ABTB2: variants seen among roughly 807,000 people sequenced by gnomAD.
The protein encoded by ABTB2 is ankyrin repeat and BTB domain containing 2.
In ABTB2, 56 loss-of-function variants were observed where a neutral mutation model predicts 104.1. The ratio of observed to expected loss-of-function variants is 0.54; its 90% CI spans 0.43 to 0.67. The LOEUF (loss-of-function observed/expected upper bound fraction) is 0.67. Ranked by LOEUF, ABTB2 falls within the 30% of genes least tolerant of loss-of-function variation. ABTB2 has a pLI of 0.00. For missense variants in ABTB2, 1,279 were observed against 1,407.7 expected, an observed-to-expected ratio of 0.91 and a Z score of 1.46; for synonymous variants, 606 against 608.2, an observed-to-expected ratio of 1.00 and a Z score of 0.05.
intron 10 of ABTB2, among the ~76,000 whole-genome samples, chr11:34,162,313 G>A (rs1205237126): frequency 6.6e-6 from 1 of 152,236 alleles, no homozygotes; most frequent in East Asian, 1.9e-4. Flanking sequence ...CAGCCAGGCA[G>A]GGTGGAGGGC....
intron 1 of ABTB2, among the ~76,000 whole-genome samples, chr11:34,233,334 T>C (rs1203660926): frequency 1.0e-3 from 1 of 994 alleles, no homozygotes; most frequent in East Asian, 8.5e-3. Context: ...TCACTGCAGC[T>C]TTTTTTTTTT....
intron 3 of ABTB2, among the ~76,000 whole-genome samples, chr11:34,173,758 C>T (rs1334643300): frequency 6.6e-6 from 1 of 152,126 alleles, no homozygotes; most frequent in African/African-American, 2.4e-5. Context: ...GGAGAGGCTG[C>T]ACAGCTAAGA....
chr11:34,256,413 T>C (rs1411023953), intron 1 of ABTB2, among the ~76,000 whole-genome samples: 1 of 152,226 alleles, frequency 6.6e-6, no homozygotes, highest in African/African-American at 2.4e-5. Context: ...CTTGGGTTTC[T>C]AGCAGAGAAA....
chr11:34,287,819 T>A (rs898679552), intron 1 of ABTB2, among the ~76,000 whole-genome samples: 45 of 152,262 alleles, frequency 3.0e-4, no homozygotes, highest in African/African-American at 1.0e-3. Flanking sequence ...TCCGTGGTAT[T>A]TTTTTTCTTT....
chr11:34,172,440 A>T (rs1325553612), intron 4 of ABTB2, among the ~76,000 whole-genome samples: 1 of 92,132 alleles, frequency 1.1e-5, no homozygotes, highest in Non-Finnish European at 2.2e-5. Context: ...GTGTGTATAT[A>T]GATAGATAGA....
At chr11:34,279,160 G>A (rs1378678908) in intron 1 of ABTB2, among the ~76,000 whole-genome samples, 1 of 152,220 alleles carries the variant, frequency 6.6e-6, no homozygotes, top group Non-Finnish European at 1.5e-5. Flanking sequence ...TCCAGTTTGT[G>A]AGTGAGATAG....
chr11:34,357,169 C>G lies in ABTB2; in HGVS notation c.415G>C (p.Val139Leu). The G allele has an allele frequency of 3.3e-6, 5 of 1,501,196 alleles. No individual in the cohort carries two copies. The highest frequency in any genetic ancestry group is 4.4e-6 in the Non-Finnish European group (5 of 1,133,852). 93.0% of individuals were successfully genotyped at this position (1,501,196 alleles called of 1,614,324 possible). ...AGLLRRALIRVAREAQRLSVL... is the reference protein window; with the variant it reads ...AGLLRRALIRLAREAQRLSVL... ...CTCAGGCGCTGCGCCTCGCGGGCCA[C>G]GCGGATCAGTGCCCTGCGGAGCAGC... The change falls in exon 1 of 17, where the codon GTG becomes CTG. Residue 139 changes from valine (V) to leucine (L), a missense_variant. Coordinates refer to ENST00000435224, the MANE Select transcript of ABTB2 (RefSeq NM_145804.3).
chr11:34,295,228 G>C (rs556498879), intron 1 of ABTB2, among the ~76,000 whole-genome samples: 24 of 152,278 alleles, frequency 1.6e-4, no homozygotes, highest in Admixed American at 7.9e-4. Context: ...TAGCATATTT[G>C]TTGCTGATGA....
chr11:34,164,617 A>C, intron 9 of ABTB2, 69 bp downstream of exon 9: 1 of 1,384,660 alleles, frequency 7.2e-7, no homozygotes, highest in Non-Finnish European at 9.3e-7. Context: ...CCCATCGGGG[A>C]AACTGAGGCT....
At position 34,357,420 on chromosome 11, in the gene ABTB2, C is replaced by A. The variant is rs1240438564; in HGVS notation, c.164G>T (p.Trp55Leu). The A allele has an allele frequency of 6.5e-7, 1 of 1,549,004 alleles. No homozygotes were observed. Among genetic ancestry groups the A allele is most frequent in the Non-Finnish European group, 8.7e-7 (1 of 1,146,622 alleles). ...GCTGTTCATGGAGCCGGAGTAGCAC[C>A]ACCAGGCCGCCCCGCGGTGCTGCTG... ...SAQQHRGAAW[W>L]CYSGSMNSRH... Residue 55 changes from tryptophan to leucine, a missense_variant, in exon 1 of 17, where the codon TGG becomes TTG. Trp to Leu is a moderately conservative substitution (Grantham distance 61). Transcript: ENST00000435224.
At chr11:34,283,446 C>T (rs979683634) in intron 1 of ABTB2, among the ~76,000 whole-genome samples, 1 of 152,188 alleles carries the variant, frequency 6.6e-6, no homozygotes, top group African/African-American at 2.4e-5. Flanking sequence ...GAACTCCTGA[C>T]CTCAAGTGAT....
chr11:34,171,579 A>G lies in ABTB2; in HGVS notation c.1398-508T>C, dbSNP rs75730867. Among the ~76,000 whole-genome samples the G allele has an allele frequency of 7.9e-3, 1,198 of 152,276 alleles. 12 individuals carry two copies. The highest frequency in any genetic ancestry group is 0.011 in the Non-Finnish European group (746 of 68,012). ...ATAGAGCAAGACTCTGTCTCAATCA[A>G]TCAATCAATAAGTAAGTAAGTAAGT... On this transcript the variant is annotated intron_variant, in intron 4 of 16. Transcript: ENST00000435224.
rs147958768 is a variant in ABTB2 at position 34,271,202 on chromosome 11, A to G, written c.884-66512T>C. Among the ~76,000 whole-genome samples, 661 of 152,342 alleles carry G rather than the reference A, an allele frequency of 4.3e-3. 6 individuals carry two copies. Among genetic ancestry groups the G allele is most frequent in the African/African-American group, 0.015 (639 of 41,570 alleles). ...CAGAAATAGAAAATAAGTCCTTGCC[A>G]TGTCCTGATTCAGACTAAATTGAAC... On this transcript the variant is annotated intron_variant, in intron 1 of 16. Coordinates refer to ENST00000435224, the MANE Select transcript of ABTB2 (RefSeq NM_145804.3).
intron 1 of ABTB2, among the ~76,000 whole-genome samples, chr11:34,243,705 T>A (rs1477406004): frequency 6.6e-6 from 1 of 152,246 alleles, no homozygotes; most frequent in Admixed American, 6.5e-5. Context: ...CGGAATGTGC[T>A]TGGCACAGAC....
At chr11:34,312,651 GGTC>G (rs1296855688) in intron 1 of ABTB2, among the ~76,000 whole-genome samples, 19 of 152,254 alleles carry the variant, frequency 1.2e-4, no homozygotes, top group Admixed American at 1.2e-3. Context: ...TCTCTCAGCT[GGTC>G]TAAGAGAAAA....
intron 1 of ABTB2, among the ~76,000 whole-genome samples, chr11:34,228,713 T>A (rs1853720186): frequency 6.6e-6 from 1 of 152,182 alleles, no homozygotes; most frequent in Admixed American, 6.5e-5. Context: ...ATGCTTGTTT[T>A]CCACAGTGAC....
At chr11:34,287,686 C>T (rs1854521971) in intron 1 of ABTB2, among the ~76,000 whole-genome samples, 1 of 152,184 alleles carries the variant, frequency 6.6e-6, no homozygotes, top group Non-Finnish European at 1.5e-5. Context: ...TACAGAGGCT[C>T]TCCGCACAAG....
At chr11:34,156,784 A>G (rs1852634340) in intron 14 of ABTB2, among the ~76,000 whole-genome samples, 2 of 152,148 alleles carry the variant, frequency 1.3e-5, no homozygotes, top group African/African-American at 2.4e-5. Flanking sequence ...TCGGCCTCCA[A>G]AAGTGCTGGG....
intron 1 of ABTB2, among the ~76,000 whole-genome samples, chr11:34,236,297 A>G (rs1018079647): frequency 1.3e-5 from 2 of 152,112 alleles, no homozygotes; most frequent in African/African-American, 4.8e-5. Context: ...AAAATATGGA[A>G]ATTTTCTTCT....
Sources: allele counts gnomAD v4.1 joint callset (sites outside exome capture counted in the v4.1 genomes callset), GRCh38; gene constraint gnomAD v4.1.1; transcripts MANE v1.5; gene names NCBI Gene and HGNC (gene_info 2026-07-23, HGNC 2026-07-21).